PLXNA4: variants seen among roughly 807,000 people sequenced by gnomAD.
PLXNA4 encodes the protein plexin-A4.
Under a neutral mutation model 191.8 loss-of-function variants are expected in PLXNA4, and 44 were observed. That is an observed-to-expected ratio of 0.23 (90% CI 0.18 to 0.29). The LOEUF (loss-of-function observed/expected upper bound fraction) is 0.29, where lower values mean the gene tolerates loss of function less well. Ranked by LOEUF, PLXNA4 falls within the 10% of genes least tolerant of loss-of-function variation. The probability of loss-of-function intolerance (pLI) is 1.00; values close to 1 mark genes in which losing one functional copy is unlikely to be tolerated. For synonymous variants in PLXNA4, 1,082 were observed against 1,009.5 expected (o/e 1.07, Z -1.36); for missense variants, 1,800 against 2,488.8 (o/e 0.72, Z 5.89).
At chr7:132,580,387 C>G (rs1036769882), upstream of PLXNA4, among the ~76,000 whole-genome samples, 1 of 152,136 alleles carries the variant, frequency 6.6e-6, no homozygotes, top group East Asian at 1.9e-4. Context: ...AAGGGAGACA[C>G]AAGTAGGACC....
At chr7:132,217,876 C>T (rs1296827739) in intron 9 of PLXNA4, among the ~76,000 whole-genome samples, 3 of 105,180 alleles carry the variant, frequency 2.9e-5, no homozygotes, top group East Asian at 3.3e-4. Flanking sequence ...GGGTGGGGAG[C>T]GTGTTCTGTA....
chr7:132,603,287 G>A lies in PLXNA4; in HGVS notation c.-87+42641C>T, dbSNP rs923674080. Among the ~76,000 whole-genome samples the A allele has an allele frequency of 8.5e-5, 4 of 47,162 alleles. No homozygotes were observed. The East Asian group carries it at 1.5e-3, about 18-fold the overall frequency. 30.9% of individuals were successfully genotyped at this position (47,162 alleles called of 152,430 possible). On this transcript the variant is annotated intron_variant, in intron 2 of 4. Transcript: ENST00000378539. ...CAAATGGACTGCAGAGATTAAGGTG[G>A]AATTAATTCCACCCCGGGAAGAGAG...
chr7:132,561,379 TC>T (rs1178549388), intron 1 of PLXNA4, among the ~76,000 whole-genome samples: 4 of 136,672 alleles, frequency 2.9e-5, no homozygotes, highest in African/African-American at 1.2e-4. Context: ...GTCCTCCTCC[TC>T]CTCTTCCTCC....
chr7:132,223,100 C>G (rs1798199576), intron 9 of PLXNA4, among the ~76,000 whole-genome samples: 1 of 152,212 alleles, frequency 6.6e-6, no homozygotes, highest in South Asian at 2.1e-4. Flanking sequence ...TCATCTCTCT[C>G]CCTTTTACTC....
At chr7:132,503,267 C>A (rs1798328327) in intron 2 of PLXNA4, among the ~76,000 whole-genome samples, 1 of 152,164 alleles carries the variant, frequency 6.6e-6, no homozygotes, top group Non-Finnish European at 1.5e-5. Flanking sequence ...TGCTTGGTAT[C>A]CACCAGGAGG....
intron 1 of PLXNA4, among the ~76,000 whole-genome samples, chr7:132,514,335 G>C (rs1366819844): frequency 6.6e-6 from 1 of 152,184 alleles, no homozygotes; most frequent in Non-Finnish European, 1.5e-5. Context: ...ACAGGCATGA[G>C]CCACTGTGCC....
At chr7:132,579,449 G>C (rs1802360168), upstream of PLXNA4, among the ~76,000 whole-genome samples, 1 of 150,972 alleles carries the variant, frequency 6.6e-6, no homozygotes. Flanking sequence ...GTGTGTGTGT[G>C]TGTGTGCGTG....
intron 3 of PLXNA4, among the ~76,000 whole-genome samples, chr7:132,429,081 TC>T (rs1795165848): frequency 6.6e-6 from 1 of 152,128 alleles, no homozygotes; most frequent in Non-Finnish European, 1.5e-5. Flanking sequence ...TGCAGACCTC[TC>T]TGTGGAATAG....
At chr7:132,602,525 A>G (rs1802840008) in intron 2 of PLXNA4, among the ~76,000 whole-genome samples, 1 of 152,196 alleles carries the variant, frequency 6.6e-6, no homozygotes, top group Non-Finnish European at 1.5e-5. Context: ...TTTACATTAA[A>G]AAATATTTGC....
intron 3 of PLXNA4, among the ~76,000 whole-genome samples, chr7:132,476,788 T>C (rs1797146491): frequency 1.3e-5 from 2 of 152,252 alleles, no homozygotes; most frequent in East Asian, 3.8e-4. Context: ...ATTTGGGTAA[T>C]TTAATTATCC....
At chr7:132,459,628 T>C (rs1232084175) in intron 3 of PLXNA4, among the ~76,000 whole-genome samples, 9 of 152,116 alleles carry the variant, frequency 5.9e-5, no homozygotes, top group Non-Finnish European at 7.3e-5. Context: ...TTCAGGCCCA[T>C]GGGCAGCATT....
At chr7:132,615,349 C>T (rs1157383008) in intron 2 of PLXNA4, among the ~76,000 whole-genome samples, 4 of 152,284 alleles carry the variant, frequency 2.6e-5, no homozygotes, top group Admixed American at 2.6e-4. Context: ...GAACCCCACT[C>T]GCGTCCTGTC....
intron 4 of PLXNA4, among the ~76,000 whole-genome samples, chr7:132,274,929 T>C (rs1399790534): frequency 6.6e-6 from 1 of 152,072 alleles, no homozygotes; most frequent in Non-Finnish European, 1.5e-5. Flanking sequence ...TATCAAATTG[T>C]CATGATGTTG....
intron 21 of PLXNA4, 124 bp downstream of exon 21, chr7:132,174,654 G>C: frequency 1.4e-6 from 2 of 1,444,432 alleles, no homozygotes; most frequent in Non-Finnish European, 1.9e-6. Context: ...CAATCTGGGG[G>C]ACCTTGGGCA....
At chr7:132,601,596 G>A (rs1241813259) in intron 2 of PLXNA4, among the ~76,000 whole-genome samples, 1 of 152,232 alleles carries the variant, frequency 6.6e-6, no homozygotes, top group Non-Finnish European at 1.5e-5. Flanking sequence ...GGGAATGGAA[G>A]TCTTACATGA....
At chr7:132,481,032 C>A (rs1403025244) in intron 3 of PLXNA4, among the ~76,000 whole-genome samples, 1 of 152,132 alleles carries the variant, frequency 6.6e-6, no homozygotes, top group African/African-American at 2.4e-5. Context: ...AGGCAAGGGG[C>A]TGCAGAAGGG....
intron 4 of PLXNA4, among the ~76,000 whole-genome samples, chr7:132,263,511 G>A (rs1584918016): frequency 1.3e-5 from 2 of 152,212 alleles, no homozygotes; most frequent in East Asian, 3.9e-4. Flanking sequence ...CCCTACCTGG[G>A]TTGTTCTGAG....
In PLXNA4 at chr7:132,524,644, C is replaced by T. The variant is rs562628276; in HGVS notation, c.-86-15865G>A. On this transcript the variant is annotated intron_variant, in intron 1 of 31. Transcript: ENST00000321063. ...AGGCTGGAGTGCAGTGGCATGATCT[C>T]GGCTCACTACAACCTCTGCCTCCCG... Among the ~76,000 whole-genome samples, 539 of 152,252 alleles carry T rather than the reference C, an allele frequency of 3.5e-3. 3 individuals carry two copies. Among genetic ancestry groups the T allele is most frequent in the African/African-American group, 0.011 (470 of 41,542 alleles).
chr7:132,640,648 A>G (rs552612583), intron 2 of PLXNA4, among the ~76,000 whole-genome samples: 1 of 152,196 alleles, frequency 6.6e-6, no homozygotes, highest in Non-Finnish European at 1.5e-5. Flanking sequence ...GTATGAGAAA[A>G]ATCAATGTTT....
Sources: allele counts gnomAD v4.1 joint callset (sites outside exome capture counted in the v4.1 genomes callset), GRCh38; gene constraint gnomAD v4.1.1; transcripts MANE v1.5; gene names NCBI Gene and HGNC (gene_info 2026-07-23, HGNC 2026-07-21).